CSMD1: variants seen among roughly 807,000 people sequenced by gnomAD.
The protein encoded by CSMD1 is CUB and Sushi multiple domains 1.
CSMD1 carries 213 observed loss-of-function variants against 417.5 expected under a neutral mutation model. That is an observed-to-expected ratio of 0.51 (90% CI 0.46 to 0.57). The LOEUF is 0.57. Ranked by LOEUF, CSMD1 falls within the 20% of genes least tolerant of loss-of-function variation. CSMD1 has a pLI of 0.00. For synonymous variants in CSMD1, 2,862 were observed against 1,736.8 expected, an observed-to-expected ratio of 1.65 and a Z score of -16.11; for missense variants, 6,923 against 4,529.7, an observed-to-expected ratio of 1.53 and a Z score of -15.17.
intron 7 of CSMD1, among the ~76,000 whole-genome samples, chr8:3,633,171 A>G (rs1346306986): frequency 6.6e-6 from 1 of 152,246 alleles, no homozygotes; most frequent in Non-Finnish European, 1.5e-5. Flanking sequence ...TAAACATCAT[A>G]TATGATGAAC....
intron 10 of CSMD1, among the ~76,000 whole-genome samples, chr8:3,558,593 TA>T (rs1563152941): frequency 1.6e-3 from 200 of 126,398 alleles, no homozygotes; most frequent in African/African-American, 7.2e-3. Context: ...GGTGTCTCAA[TA>T]GTACCCCGTG....
At chr8:4,921,211 C>T (rs1806476999) in intron 1 of CSMD1, among the ~76,000 whole-genome samples, 1 of 152,052 alleles carries the variant, frequency 6.6e-6, no homozygotes, top group African/African-American at 2.4e-5. Flanking sequence ...TTGTTAGCTC[C>T]CTCTCACGTT....
Position 4,850,382 on chromosome 8 carries a change from C to CTTTTT in CSMD1, c.85+143945_85+143949dup. Among the ~76,000 whole-genome samples, 151 of 77,740 alleles carry CTTTTT rather than the reference C, an allele frequency of 1.9e-3. 1 individual carries two copies. Among genetic ancestry groups the CTTTTT allele is most frequent in the Middle Eastern group, 0.01 (1 of 98 alleles). 51.0% of individuals were successfully genotyped at this position (77,740 alleles called of 152,430 possible). ...TTTATTTTGATGAAATCCAATTTAT[C>CTTTTT]TTTTTTTTTTTTTTTTTTTTTTTGC... On this transcript the variant is annotated intron_variant, in intron 1 of 69. Transcript: ENST00000635120.
chr8:3,649,589 T>C (rs1319623854), intron 7 of CSMD1, among the ~76,000 whole-genome samples: 6 of 152,066 alleles, frequency 3.9e-5, no homozygotes, highest in Admixed American at 6.5e-5. Flanking sequence ...GAGCCTCTTA[T>C]AAAACCAGTA....
chr8:4,078,594 G>A (rs1040394395), intron 3 of CSMD1, among the ~76,000 whole-genome samples: 18 of 149,726 alleles, frequency 1.2e-4, no homozygotes, highest in South Asian at 4.2e-4. Context: ...TAAAATCTTC[G>A]TTATGAAATA....
intron 1 of CSMD1, among the ~76,000 whole-genome samples, chr8:4,945,906 C>T (rs973159130): frequency 6.6e-6 from 1 of 152,078 alleles, no homozygotes; most frequent in Admixed American, 6.5e-5. Flanking sequence ...AGCATTCACT[C>T]GAAGAAAACA....
chr8:3,952,900 G>C (rs551373182), intron 5 of CSMD1, among the ~76,000 whole-genome samples: 1 of 152,130 alleles, frequency 6.6e-6, no homozygotes, highest in South Asian at 2.1e-4. Flanking sequence ...GCAACTCAGC[G>C]AAAGCTGTAT....
chr8:4,907,581 A>G (rs1585305088), intron 1 of CSMD1, among the ~76,000 whole-genome samples: 4 of 152,044 alleles, frequency 2.6e-5, no homozygotes, highest in African/African-American at 7.2e-5. Context: ...GTTTTTTGAG[A>G]CAGGTTTTCA....
At chr8:4,062,467 T>A (rs557764649) in intron 3 of CSMD1, among the ~76,000 whole-genome samples, 14 of 152,268 alleles carry the variant, frequency 9.2e-5, no homozygotes, top group African/African-American at 3.4e-4. Flanking sequence ...AATGTCAGAA[T>A]CAAATGCACT....
rs189062214 is a variant in CSMD1 at position 3,350,491 on chromosome 8, T to G, written c.3305-2330A>C. On this transcript the variant is annotated intron_variant, in intron 21 of 69. Coordinates refer to ENST00000635120, the MANE Select transcript of CSMD1 (RefSeq NM_033225.6). The stretch of plus-strand genomic sequence containing the variant: ...TGATGTGATATAAACTGTGAAGTAC[T>G]CATAAAGGGAATAGCACTTTTAAAA... Among the ~76,000 whole-genome samples, 752 of 152,152 alleles carry G rather than the reference T, an allele frequency of 4.9e-3. 5 individuals are homozygous for G. Among genetic ancestry groups the G allele is most frequent in the African/African-American group, 0.017 (724 of 41,570 alleles).
intron 8 of CSMD1, among the ~76,000 whole-genome samples, chr8:3,608,355 G>C (rs1392026776): frequency 1.3e-5 from 2 of 152,060 alleles, no homozygotes; most frequent in Admixed American, 6.6e-5. Flanking sequence ...AAAGAGAAAA[G>C]GGACATGGAA....
intron 3 of CSMD1, among the ~76,000 whole-genome samples, chr8:4,356,761 G>A (rs1801455459): frequency 6.6e-6 from 1 of 152,100 alleles, no homozygotes; most frequent in Admixed American, 6.5e-5. Context: ...TGAATGACTG[G>A]AACCGAGTTC....
At chr8:4,021,718 T>C (rs968839989) in intron 4 of CSMD1, among the ~76,000 whole-genome samples, 5 of 152,216 alleles carry the variant, frequency 3.3e-5, no homozygotes, top group African/African-American at 7.2e-5. Flanking sequence ...CTATGTATTG[T>C]TGCAATATCC....
chr8:4,291,961 G>C (rs1043967945), intron 3 of CSMD1, among the ~76,000 whole-genome samples: 1 of 152,298 alleles, frequency 6.6e-6, no homozygotes, highest in Middle Eastern at 3.4e-3. Context: ...CTGGTGTCCA[G>C]AAGGAATTTC....
At chr8:4,837,370 A>G (rs1215886263) in intron 1 of CSMD1, among the ~76,000 whole-genome samples, 1 of 152,220 alleles carries the variant, frequency 6.6e-6, no homozygotes, top group African/African-American at 2.4e-5. Flanking sequence ...CAGATGATAA[A>G]GAAAATGTGG....
At chr8:4,040,130 A>G (rs1305264123) in intron 3 of CSMD1, among the ~76,000 whole-genome samples, 6 of 152,226 alleles carry the variant, frequency 3.9e-5, no homozygotes, top group African/African-American at 7.2e-5. Flanking sequence ...CAATATTTTT[A>G]AAGGGTATGA....
chr8:4,733,399 C>G (rs1323211884), intron 1 of CSMD1, among the ~76,000 whole-genome samples: 1 of 152,152 alleles, frequency 6.6e-6, no homozygotes, highest in Non-Finnish European at 1.5e-5. Flanking sequence ...CCCAGAATAA[C>G]CATATCTTGG....
At chr8:3,153,297 G>C (rs558583554) in intron 39 of CSMD1, among the ~76,000 whole-genome samples, 7 of 152,334 alleles carry the variant, frequency 4.6e-5, no homozygotes, top group Non-Finnish European at 8.8e-5. Flanking sequence ...CGCTTGTTTA[G>C]CATATCATCA....
chr8:4,219,156 G>C (rs1222356260), intron 3 of CSMD1, among the ~76,000 whole-genome samples: 1 of 152,094 alleles, frequency 6.6e-6, no homozygotes, highest in Non-Finnish European at 1.5e-5. Context: ...GTAGCACCTG[G>C]TGTTGTGTTC....
Sources: gnomAD v4.1 joint callset for allele counts (sites outside exome capture counted in the v4.1 genomes callset) on GRCh38, gnomAD v4.1.1 for gene constraint, MANE v1.5 for transcripts, NCBI Gene and HGNC (gene_info 2026-07-23, HGNC 2026-07-21) for gene names.